KIFAP3: variants seen among roughly 807,000 people sequenced by gnomAD.
KIFAP3 encodes the protein kinesin-associated protein 3.
A neutral mutation model predicts 106.5 loss-of-function variants in KIFAP3; 68 were observed. The observed-to-expected ratio is 0.64, with a 90% CI of 0.53 to 0.78. KIFAP3 has a LOEUF of 0.78. Ranked by LOEUF, KIFAP3 falls within the 30% of genes least tolerant of loss-of-function variation. The pLI is 0.00. For synonymous variants in KIFAP3, 320 were observed against 311.5 expected, an observed-to-expected ratio of 1.03 and a Z score of -0.29; for missense variants, 780 against 941.8, an observed-to-expected ratio of 0.83 and a Z score of 2.25.
chr1:170,082,427 G>A (rs1672034584), intron 1 of KIFAP3, among the ~76,000 whole-genome samples: 1 of 152,232 alleles, frequency 6.6e-6, no homozygotes, highest in South Asian at 2.1e-4. Flanking sequence ...GCTAGTGATA[G>A]AGGGTGGATA....
At chr1:170,001,635 T>A (rs1486291674) in intron 10 of KIFAP3, among the ~76,000 whole-genome samples, 1 of 152,136 alleles carries the variant, frequency 6.6e-6, no homozygotes, top group Admixed American at 6.6e-5. Flanking sequence ...TAGTAGTCTA[T>A]GAGGAGTTGT....
intron 8 of KIFAP3, among the ~76,000 whole-genome samples, chr1:170,028,545 C>T (rs1669237687): frequency 1.3e-5 from 2 of 152,308 alleles, no homozygotes; most frequent in South Asian, 2.1e-4. Context: ...CCATGTTGCC[C>T]AGGCTGGTCT....
chr1:169,983,058 G>C (rs1379283457), intron 13 of KIFAP3, among the ~76,000 whole-genome samples, 191 bp from the exon 14 acceptor site: 1 of 151,904 alleles, frequency 6.6e-6, no homozygotes, highest in African/African-American at 2.4e-5. Context: ...AGACTGTAGT[G>C]GGGTGGAGGG....
chr1:170,077,028 T>C (rs1671931967), upstream of KIFAP3, among the ~76,000 whole-genome samples: 1 of 152,114 alleles, frequency 6.6e-6, no homozygotes, highest in Non-Finnish European at 1.5e-5. Flanking sequence ...ACTCTGGGTC[T>C]AGCTAAAGGA....
At chr1:169,974,467 T>C (rs1412768012) in intron 16 of KIFAP3, among the ~76,000 whole-genome samples, 2 of 151,928 alleles carry the variant, frequency 1.3e-5, no homozygotes, top group Non-Finnish European at 2.9e-5. Context: ...TTTTTAAAAA[T>C]AGGTTTAGGG....
chr1:170,050,046 G>A (rs1469254814), intron 2 of KIFAP3, among the ~76,000 whole-genome samples: 1 of 152,058 alleles, frequency 6.6e-6, no homozygotes, highest in Non-Finnish European at 1.5e-5. Flanking sequence ...AAACTCCTCT[G>A]AGTTAAAGGA....
chr1:169,938,355 C>T (rs904400834), intron 19 of KIFAP3, among the ~76,000 whole-genome samples: 3 of 151,868 alleles, frequency 2.0e-5, no homozygotes, highest in Non-Finnish European at 4.4e-5. Flanking sequence ...AGCATAGGCT[C>T]CTATCAACAA....
chr1:170,015,891 A>G (rs1267204600), intron 10 of KIFAP3, among the ~76,000 whole-genome samples: 1 of 152,172 alleles, frequency 6.6e-6, no homozygotes, highest in Non-Finnish European at 1.5e-5. Flanking sequence ...AATAACTTAT[A>G]AACTGAATTC....
chr1:169,945,825 A>G (rs1230981072), intron 19 of KIFAP3, among the ~76,000 whole-genome samples: 1 of 152,188 alleles, frequency 6.6e-6, no homozygotes, highest in African/African-American at 2.4e-5. Context: ...TCATATGTCT[A>G]TATTTCAGTT....
intron 1 of KIFAP3, among the ~76,000 whole-genome samples, chr1:170,066,970 T>C (rs1449872246): frequency 6.6e-6 from 1 of 152,148 alleles, no homozygotes; most frequent in Admixed American, 6.5e-5. Context: ...TTCCTATATA[T>C]GATACTCAAA....
chr1:169,931,672 T>G (rs949972346), intron 19 of KIFAP3, among the ~76,000 whole-genome samples: 9 of 152,246 alleles, frequency 5.9e-5, no homozygotes, highest in Non-Finnish European at 1.2e-4. Context: ...GCACGTCCTT[T>G]AAATAATTGT....
At chr1:169,957,560 A>C (rs980598008) in intron 18 of KIFAP3, among the ~76,000 whole-genome samples, 1 of 152,168 alleles carries the variant, frequency 6.6e-6, no homozygotes, top group African/African-American at 2.4e-5. Flanking sequence ...AAAATACAAA[A>C]ACTCAGTATC....
intron 1 of KIFAP3, among the ~76,000 whole-genome samples, chr1:170,070,271 G>C (rs983230362): frequency 6.6e-6 from 1 of 151,964 alleles, no homozygotes; most frequent in Non-Finnish European, 1.5e-5. Context: ...AGTTTCAATA[G>C]CTTTTTTTGC....
At chr1:169,968,371 A>AT (rs1268195682) in intron 17 of KIFAP3, among the ~76,000 whole-genome samples, 1 of 151,928 alleles carries the variant, frequency 6.6e-6, no homozygotes, top group Non-Finnish European at 1.5e-5. Flanking sequence ...CTTGTATCTG[A>AT]TTAACACACT....
intron 7 of KIFAP3, among the ~76,000 whole-genome samples, chr1:170,032,939 G>T (rs939113311): frequency 4.6e-5 from 7 of 151,678 alleles, no homozygotes; most frequent in Non-Finnish European, 1.5e-5. Flanking sequence ...TATGTCCTAA[G>T]ATATCAGTTC....
chr1:170,056,468 A>G (rs889339617), intron 1 of KIFAP3, among the ~76,000 whole-genome samples: 2 of 152,198 alleles, frequency 1.3e-5, no homozygotes, highest in South Asian at 2.1e-4. Context: ...AGAAGGCGAT[A>G]AAGTTGGTTG....
intron 18 of KIFAP3, among the ~76,000 whole-genome samples, chr1:169,956,471 T>A (rs931888875): frequency 6.6e-5 from 10 of 152,034 alleles, no homozygotes; most frequent in African/African-American, 2.4e-4. Flanking sequence ...AAATGGGCGA[T>A]CATCAAATAG....
At chr1:169,964,025 C>T (rs11584208) in intron 17 of KIFAP3, among the ~76,000 whole-genome samples, 15,815 of 151,974 alleles carry the variant, frequency 0.1, 967 homozygotes, top group Admixed American at 0.18. Flanking sequence ...TGATACTAAA[C>T]TATACTTGAA....
intron 1 of KIFAP3, among the ~76,000 whole-genome samples, chr1:170,060,672 C>G (rs578027696): frequency 6.6e-6 from 1 of 152,002 alleles, no homozygotes; most frequent in Admixed American, 6.6e-5. Context: ...TTAAAGTTCA[C>G]ATGGAACCAA....
Sources: gnomAD v4.1 joint callset for allele counts (sites outside exome capture counted in the v4.1 genomes callset) on GRCh38, gnomAD v4.1.1 for gene constraint, MANE v1.5 for transcripts, NCBI Gene and HGNC (gene_info 2026-07-23, HGNC 2026-07-21) for gene names.